CDC20B: variants seen among roughly 807,000 people sequenced by gnomAD.
CDC20B encodes cell division cycle 20B.
In CDC20B, 58 loss-of-function variants were observed where a neutral mutation model predicts 64.1. The observed-to-expected ratio is 0.90, with a 90% CI of 0.73 to 1.13. The LOEUF is 1.13. CDC20B is among the 50% of genes most tolerant of loss of function. The pLI is 0.00. For synonymous variants in CDC20B, 243 were observed against 230.6 expected (o/e 1.05, Z -0.49); for missense variants, 597 against 633.0 (o/e 0.94, Z 0.61).
chr5:55,126,763 C>G (rs924549378), intron 8 of CDC20B, among the ~76,000 whole-genome samples: 6 of 152,180 alleles, frequency 3.9e-5, no homozygotes, highest in African/African-American at 1.4e-4. Context: ...AGCCAGCAAT[C>G]TGCATTTTGA....
At chr5:55,118,900 A>G (rs1742688388) in intron 11 of CDC20B, among the ~76,000 whole-genome samples, 1 of 152,190 alleles carries the variant, frequency 6.6e-6, no homozygotes, top group Non-Finnish European at 1.5e-5. Context: ...TGGTATTATC[A>G]CTACCTAACA....
chr5:55,160,126 C>A (rs1195342762), intron 2 of CDC20B: 7 of 1,202,664 alleles, frequency 5.8e-6, no homozygotes, highest in South Asian at 3.7e-5. Context: ...TTAAACTAAG[C>A]CGGTTTCAAG....
intron 5 of CDC20B, among the ~76,000 whole-genome samples, chr5:55,134,587 C>A (rs1743113752): frequency 6.6e-6 from 1 of 152,086 alleles, no homozygotes; most frequent in Non-Finnish European, 1.5e-5. Flanking sequence ...CACGGTGAAA[C>A]CCTGTCACTA....
intron 8 of CDC20B, 75 bp downstream of exon 8, chr5:55,127,175 TTTGAATA>T: frequency 8.0e-7 from 1 of 1,256,580 alleles, no homozygotes; most frequent in South Asian, 1.2e-5. Context: ...TGGTTTAGGT[TTTGAATA>T]TTACAACTGT....
intron 9 of CDC20B, 77 bp from the exon 10 acceptor site, chr5:55,120,627 A>T: frequency 6.4e-7 from 1 of 1,567,888 alleles, no homozygotes; most frequent in Non-Finnish European, 8.7e-7. Context: ...CACTTAGGTA[A>T]GCAGCAAGTC....
At chr5:55,169,727 TG>T (rs1172489418) in intron 2 of CDC20B, among the ~76,000 whole-genome samples, 2 of 152,268 alleles carry the variant, frequency 1.3e-5, no homozygotes, top group African/African-American at 2.4e-5. Context: ...TTTAGTTGAC[TG>T]ACTCATCTGG....
At chr5:55,170,858 A>AC (rs1223578457) in intron 2 of CDC20B, 1 of 352,520 alleles carries the variant, frequency 2.8e-6, no homozygotes, top group East Asian at 7.6e-5. Context: ...AAAATGTATT[A>AC]CTTCAAGACT....
chr5:55,124,052 A>C (rs1456129994), intron 9 of CDC20B, among the ~76,000 whole-genome samples: 1 of 152,224 alleles, frequency 6.6e-6, no homozygotes, highest in Admixed American at 6.5e-5. Context: ...AGGTCAAGAC[A>C]CATCTGTGTC....
In CDC20B at chr5:55,124,936, A is replaced by C. The variant is rs1416987416; in HGVS notation, c.1082T>G (p.Leu361Arg). The C allele has an allele frequency of 1.2e-5, 19 of 1,614,108 alleles. No individual in the cohort carries two copies. Among genetic ancestry groups the C allele is most frequent in the Non-Finnish European group, 1.6e-5 (19 of 1,180,026 alleles). ...TLRHKQAVCA[L>R]KWSPDGRLLS... is the part of the protein sequence containing the mutation. ...CAGCCTGCCATCCGGTGACCACTTC[A>C]GAGCACACACAGCTTGCTTGTGGCG... Residue 361 changes from leucine (L) to arginine (R), a missense_variant, in exon 9 of 12, where the codon CTG becomes CGG. Transcript: ENST00000381375.
At chr5:55,152,017 A>G (rs1743680116) in intron 2 of CDC20B, among the ~76,000 whole-genome samples, 1 of 152,224 alleles carries the variant, frequency 6.6e-6, no homozygotes, top group South Asian at 2.1e-4. Context: ...TATCCCTGTA[A>G]GAGGAAGGCA....
intron 2 of CDC20B, among the ~76,000 whole-genome samples, chr5:55,169,024 C>T (rs1373704302): frequency 6.6e-6 from 1 of 152,048 alleles, no homozygotes; most frequent in East Asian, 1.9e-4. Context: ...AAAAAACTAA[C>T]ACACAAAAGC....
chr5:55,124,480 G>A (rs1742827123), intron 9 of CDC20B, among the ~76,000 whole-genome samples: 1 of 152,106 alleles, frequency 6.6e-6, no homozygotes, highest in Admixed American at 6.6e-5. Flanking sequence ...GGGCCCAAAT[G>A]ACATTACTCA....
intron 2 of CDC20B, chr5:55,167,036 C>T (rs1262449269): frequency 6.6e-6 from 1 of 151,804 alleles, no homozygotes; most frequent in Non-Finnish European, 1.5e-5. Flanking sequence ...TCTTAAAGAC[C>T]CTGTCTCAAA....
chr5:55,135,708 C>T (rs1743143772), intron 5 of CDC20B: 1 of 151,852 alleles, frequency 6.6e-6, no homozygotes, highest in African/African-American at 2.4e-5. Context: ...TTGAATGCAG[C>T]CCAACACAAA....
chr5:55,148,268 C>G (rs1580355533), intron 2 of CDC20B, among the ~76,000 whole-genome samples: 1 of 151,946 alleles, frequency 6.6e-6, no homozygotes, highest in Non-Finnish European at 1.5e-5. Context: ...TGTGACAATC[C>G]CTGGTGTTGA....
At position 55,140,299 on chromosome 5, in the gene CDC20B, G is replaced by A. The variant is rs1159570387; in HGVS notation, c.580+15C>T. 2 of 1,555,106 alleles carry A rather than the reference G, an allele frequency of 1.3e-6. No homozygotes were observed. The highest frequency in any genetic ancestry group is 1.2e-5 in the South Asian group (1 of 84,342). On this transcript the variant is annotated intron_variant, in intron 5 of 11. Coordinates refer to ENST00000381375, the MANE Select transcript of CDC20B (RefSeq NM_001170402.1). ...GAGGAGCGCAGGAAAGAAGGACAAT[G>A]TCTTGATCCTGTACCTTTCCAAACA...
At chr5:55,120,343 G>T in intron 10 of CDC20B, 82 bp downstream of exon 10, 1 of 1,497,334 alleles carries the variant, frequency 6.7e-7, no homozygotes, top group Non-Finnish European at 9.2e-7. Flanking sequence ...AGAGCTTGTT[G>T]GGGGCATAGG....
At chr5:55,132,779 AT>A (rs771651883) in intron 6 of CDC20B, among the ~76,000 whole-genome samples, 56 of 152,298 alleles carry the variant, frequency 3.7e-4, no homozygotes, top group Admixed American at 8.5e-4. Flanking sequence ...TCCCCAATGT[AT>A]CTTCTTCATT....
intron 2 of CDC20B, among the ~76,000 whole-genome samples, chr5:55,154,440 C>T (rs190845874): frequency 2.4e-4 from 37 of 152,220 alleles, no homozygotes; most frequent in African/African-American, 7.5e-4. Context: ...TTGCTTGATC[C>T]TGGGAGGTCG....
Sources: gnomAD v4.1 joint callset for allele counts (sites outside exome capture counted in the v4.1 genomes callset) on GRCh38, gnomAD v4.1.1 for gene constraint, MANE v1.5 for transcripts, NCBI Gene and HGNC (gene_info 2026-07-23, HGNC 2026-07-21) for gene names.